PLD5: variants seen among roughly 807,000 people sequenced by gnomAD.
PLD5 encodes the protein inactive phospholipase D5.
In PLD5, 36 loss-of-function variants were observed where a neutral mutation model predicts 61.1. The observed-to-expected ratio is 0.59, with a 90% CI of 0.45 to 0.78. The LOEUF (loss-of-function observed/expected upper bound fraction) is 0.78, where lower values mean the gene tolerates loss of function less well. Ranked by LOEUF, PLD5 falls within the 30% of genes least tolerant of loss-of-function variation. The probability of loss-of-function intolerance (pLI) is 0.00; values close to 1 mark genes in which losing one functional copy is unlikely to be tolerated. For synonymous variants in PLD5, 243 were observed against 242.8 expected, an observed-to-expected ratio of 1.00 and a Z score of -0.01; for missense variants, 515 against 644.4, an observed-to-expected ratio of 0.80 and a Z score of 2.17.
At chr1:242,293,170 TG>T (rs1211219843) in intron 2 of PLD5, among the ~76,000 whole-genome samples, 3 of 152,260 alleles carry the variant, frequency 2.0e-5, no homozygotes, top group African/African-American at 7.2e-5. Context: ...CAAAGCCAAA[TG>T]TGGAAAACAT....
At chr1:242,166,465 CACATGTGTGCATGT>C (rs1419557589) in intron 5 of PLD5, among the ~76,000 whole-genome samples, 2 of 151,958 alleles carry the variant, frequency 1.3e-5, no homozygotes, top group East Asian at 3.8e-4. Flanking sequence ...CATGTTCATG[CACATGTGTGCATGT>C]ACACACATAC....
intron 4 of PLD5, among the ~76,000 whole-genome samples, chr1:242,246,210 AAAAT>A (rs1394059182): frequency 1.3e-5 from 2 of 152,028 alleles, no homozygotes; most frequent in African/African-American, 4.8e-5. Context: ...TCTACCAAAA[AAAAT>A]ACTTAGCCAA....
At chr1:242,287,914 T>C (rs1675121478) in intron 3 of PLD5, among the ~76,000 whole-genome samples, 1 of 152,144 alleles carries the variant, frequency 6.6e-6, no homozygotes, top group African/African-American at 2.4e-5. Context: ...TTTCACTCTA[T>C]TAAAAAAATG....
At chr1:242,226,154 G>A (rs762340046) in intron 4 of PLD5, among the ~76,000 whole-genome samples, 1 of 152,138 alleles carries the variant, frequency 6.6e-6, no homozygotes, top group South Asian at 2.1e-4. Flanking sequence ...AGCTTTGAAA[G>A]TATATTAAGT....
intron 2 of PLD5, chr1:242,345,488 C>T (rs1451905198): frequency 1.4e-6 from 1 of 723,104 alleles, no homozygotes; most frequent in South Asian, 1.5e-5. Context: ...TCTTAAGTTG[C>T]TAAAAACATT....
intron 1 of PLD5, among the ~76,000 whole-genome samples, chr1:242,409,533 C>A (rs73130402): frequency 0.033 from 4,999 of 152,086 alleles, 287 homozygotes; most frequent in African/African-American, 0.11. Flanking sequence ...AAGTACTGAA[C>A]TGAGGTGCTT....
chr1:242,406,032 C>A (rs1664218644), intron 1 of PLD5, among the ~76,000 whole-genome samples: 1 of 152,192 alleles, frequency 6.6e-6, no homozygotes, highest in African/African-American at 2.4e-5. Context: ...TCACTGCTTT[C>A]TTTTATTCAT....
intron 1 of PLD5, among the ~76,000 whole-genome samples, chr1:242,423,707 T>A (rs977505981): frequency 1.3e-5 from 2 of 152,176 alleles, no homozygotes; most frequent in African/African-American, 4.8e-5. Flanking sequence ...GCACCCTGTA[T>A]GGGAATCCCC....
intron 5 of PLD5, among the ~76,000 whole-genome samples, chr1:242,148,187 G>A (rs1664668059): frequency 6.6e-6 from 1 of 151,114 alleles, no homozygotes; most frequent in African/African-American, 2.4e-5. Flanking sequence ...ATTTTGAATC[G>A]ATTTTTGCAT....
chr1:242,382,057 A>T (rs10926714), intron 1 of PLD5, among the ~76,000 whole-genome samples: 91,377 of 150,340 alleles, frequency 0.61, 28,029 homozygotes, highest in East Asian at 0.72. Context: ...GGGGTGGGTG[A>T]GAGGGAAAGG....
intron 2 of PLD5, among the ~76,000 whole-genome samples, chr1:242,293,802 C>T (rs1675502735): frequency 6.6e-6 from 1 of 152,194 alleles, no homozygotes; most frequent in South Asian, 2.1e-4. Context: ...CACTCTCCTC[C>T]TCTTTCTTTA....
At chr1:242,121,901 T>C (rs1662397262) in intron 6 of PLD5, among the ~76,000 whole-genome samples, 1 of 122,298 alleles carries the variant, frequency 8.2e-6, no homozygotes, top group Non-Finnish European at 1.6e-5. Context: ...TGAGAACACA[T>C]GGACACAGGG....
chr1:242,425,639 CTT>C (rs35709516), intron 1 of PLD5, among the ~76,000 whole-genome samples: 9 of 129,886 alleles, frequency 6.9e-5, no homozygotes, highest in African/African-American at 1.5e-4. Context: ...CTTACTGTAA[CTT>C]TTTTTTTTTT....
chr1:242,468,676 TACAC>T lies in PLD5; in HGVS notation c.189+55408_189+55411del, dbSNP rs551565564. Among the ~76,000 whole-genome samples, 112 of 151,276 alleles carry T rather than the reference TACAC, an allele frequency of 7.4e-4. 1 individual carries two copies. The East Asian group carries it at 0.013, about 17-fold the overall frequency. On this transcript the variant is annotated intron_variant, in intron 1 of 9. Coordinates refer to ENST00000536534, the MANE Select transcript of PLD5 (RefSeq NM_001372062.1). Reference sequence around the variant, plus strand: ...GTCAATATCAGCATATGTAAATACATACACACACACACATACACACACACGCACA... The same window carrying T: ...GTCAATATCAGCATATGTAAATACATACACACACATACACACACACGCACA...
intron 5 of PLD5, among the ~76,000 whole-genome samples, chr1:242,215,551 G>A (rs2148995595): frequency 6.6e-6 from 1 of 152,282 alleles, no homozygotes; most frequent in East Asian, 1.9e-4. Flanking sequence ...GGAAAGATGT[G>A]AACAGTAATG....
At chr1:242,145,166 A>G in intron 5 of PLD5, among the ~76,000 whole-genome samples, 1 of 152,168 alleles carries the variant, frequency 6.6e-6, no homozygotes. Context: ...CCACACCCTC[A>G]GCCGCTATGC....
At chr1:242,241,420 C>T (rs1671997305) in intron 4 of PLD5, among the ~76,000 whole-genome samples, 1 of 152,198 alleles carries the variant, frequency 6.6e-6, no homozygotes, top group South Asian at 2.1e-4. Context: ...AGCAAAACCT[C>T]TGAACACTAT....
intron 1 of PLD5, among the ~76,000 whole-genome samples, chr1:242,500,539 C>G (rs1668520279): frequency 6.6e-6 from 1 of 152,062 alleles, no homozygotes; most frequent in Non-Finnish European, 1.5e-5. Context: ...GATAACTGAT[C>G]AAAGATGCAA....
intron 1 of PLD5, among the ~76,000 whole-genome samples, chr1:242,440,506 G>A (rs1666222920): frequency 6.6e-6 from 1 of 152,222 alleles, no homozygotes; most frequent in African/African-American, 2.4e-5. Context: ...ATTGAAAACT[G>A]ATCGGGTATA....
Sources: gnomAD v4.1 joint callset for allele counts (sites outside exome capture counted in the v4.1 genomes callset) on GRCh38, gnomAD v4.1.1 for gene constraint, MANE v1.5 for transcripts, NCBI Gene and HGNC (gene_info 2026-07-23, HGNC 2026-07-21) for gene names.